Variants in PDE6G observed in about 807,000 individuals in gnomAD.
The protein encoded by PDE6G is rod cGMP 3',5'-cyclic phosphodiesterase subunit gamma.
Under a neutral mutation model 10.9 loss-of-function variants are expected in PDE6G, and 10 were observed. That is an observed-to-expected ratio of 0.91 (90% CI 0.56 to 1.55). The LOEUF is 1.55. Ranked by LOEUF, PDE6G falls within the 40% of genes most tolerant of loss-of-function variation. The pLI is 0.00. For missense variants in PDE6G, 102 were observed against 110.1 expected, an observed-to-expected ratio of 0.93 and a Z score of 0.33; for synonymous variants, 41 against 42.8, an observed-to-expected ratio of 0.96 and a Z score of 0.16.
upstream of PDE6G, among the ~76,000 whole-genome samples, chr17:81,660,387 G>T (rs1405530614): frequency 6.6e-6 from 1 of 152,190 alleles, no homozygotes; most frequent in Admixed American, 6.6e-5. Context: ...TCTCTAGCCT[G>T]GGCGACAGAG....
chr17:81,651,392 G>T lies in PDE6G; in HGVS notation c.188-242C>A, dbSNP rs1364876427. On this transcript the variant is annotated intron_variant, in intron 3 of 3. Transcript: ENST00000331056. The surrounding 1 kb of genome is among the most constrained non-coding windows in gnomAD (Gnocchi z 4.8). ...GGGCTTGCTGAAGGGGGAGGAGGCAGCGAGGGGTTCTGTTCTTTCCCAAAC... is the reference window on the plus strand; with the variant it reads ...GGGCTTGCTGAAGGGGGAGGAGGCATCGAGGGGTTCTGTTCTTTCCCAAAC... Among the ~76,000 whole-genome samples, 1 of 152,068 alleles carries T rather than the reference G, an allele frequency of 6.6e-6. No individual in the cohort carries two copies. The highest frequency in any genetic ancestry group is 2.4e-5 in the African/African-American group (1 of 41,400).
upstream of PDE6G, among the ~76,000 whole-genome samples, chr17:81,660,142 G>A (rs1041319724): frequency 1.3e-5 from 2 of 152,038 alleles, no homozygotes; most frequent in African/African-American, 4.8e-5. Context: ...GCTGGGCACG[G>A]TGGCTCACAC....
At chr17:81,658,271 A>G (rs1361685406), upstream of PDE6G, among the ~76,000 whole-genome samples, 1 of 151,654 alleles carries the variant, frequency 6.6e-6, no homozygotes, top group African/African-American at 2.4e-5. Context: ...TTTTTAGTAG[A>G]GACAGGGTTT....
At chr17:81,659,531 G>A (rs1301720715), upstream of PDE6G, among the ~76,000 whole-genome samples, 3 of 151,768 alleles carry the variant, frequency 2.0e-5, no homozygotes, top group Non-Finnish European at 2.9e-5. Context: ...CCCGGGAGGC[G>A]GAGGTTGCAG....
chr17:81,656,817 G>C (rs2036453245), upstream of PDE6G: 1 of 594,170 alleles, frequency 1.7e-6, no homozygotes, highest in South Asian at 1.9e-5. Flanking sequence ...GCTGTCTTGG[G>C]CCTCCCTACT....
At position 81,651,129 on chromosome 17, in the gene PDE6G, C is replaced by G. The variant is rs767420440; in HGVS notation, c.209G>C (p.Trp70Ser). 2 of 1,613,786 alleles carry G rather than the reference C, an allele frequency of 1.2e-6. No individual in the cohort carries two copies. The highest frequency in any genetic ancestry group is 1.7e-6 in the Non-Finnish European group (2 of 1,179,694). ...CAGCTCCAGGTGGTTGAAGGCCTCC[C>G]AAGGGCAGATGACTGTGATGTCTGT... ...LGTDITVICP[W>S]EAFNHLELHE... The change falls in exon 4 of 4, where the codon TGG (tryptophan) becomes TCG (serine). Residue 70 changes from tryptophan (W) to serine (S), a missense_variant. Transcript: ENST00000331056. The surrounding 1 kb of genome is among the most constrained non-coding windows in gnomAD (Gnocchi z 4.8).
chr17:81,659,491 A>G (rs1324554068), upstream of PDE6G, among the ~76,000 whole-genome samples: 2 of 149,110 alleles, frequency 1.3e-5, no homozygotes, highest in Admixed American at 1.3e-4. Flanking sequence ...CCCAGCTGCC[A>G]GGGAGGCTGC....
chr17:81,654,265 C>T (rs1178362549), intron 1 of PDE6G, among the ~76,000 whole-genome samples: 4 of 152,198 alleles, frequency 2.6e-5, no homozygotes, highest in African/African-American at 9.6e-5. Flanking sequence ...CTCCCCTGAA[C>T]CCCCGCCCTG....
chr17:81,658,432 A>G (rs1598723372), upstream of PDE6G, among the ~76,000 whole-genome samples: 1 of 151,932 alleles, frequency 6.6e-6, no homozygotes, highest in African/African-American at 2.4e-5. Flanking sequence ...CTGAGGCAGG[A>G]GGATCCCTTG....
upstream of PDE6G, chr17:81,656,685 C>T: frequency 1.4e-6 from 1 of 699,802 alleles, no homozygotes; most frequent in Non-Finnish European, 2.6e-6. Context: ...GGCTCAGGTG[C>T]TGTCAAGGGC....
intron 1 of PDE6G, among the ~76,000 whole-genome samples, chr17:81,655,036 C>G (rs12946993): frequency 0.053 from 8,019 of 152,146 alleles, 299 homozygotes; most frequent in East Asian, 0.22. Flanking sequence ...GGATTACAGG[C>G]GTGAGCCACT....
intron 2 of PDE6G, among the ~76,000 whole-genome samples, chr17:81,652,176 C>T (rs1426495633): frequency 6.6e-6 from 1 of 151,506 alleles, no homozygotes; most frequent in Non-Finnish European, 1.5e-5. Flanking sequence ...AGTGGACACT[C>T]CTCGGTGCAC....
At chr17:81,659,828 T>A (rs2036493664), upstream of PDE6G, among the ~76,000 whole-genome samples, 1 of 152,128 alleles carries the variant, frequency 6.6e-6, no homozygotes, top group South Asian at 2.1e-4. Context: ...GGCTCACGTC[T>A]GTAATCCCAG....
upstream of PDE6G, chr17:81,656,681 G>A: frequency 1.4e-6 from 1 of 701,628 alleles, no homozygotes; most frequent in Non-Finnish European, 2.6e-6. Flanking sequence ...GAGGGGCTCA[G>A]GTGCTGTCAA....
At chr17:81,652,951 T>C (rs1300779640) in intron 2 of PDE6G, among the ~76,000 whole-genome samples, 1 of 151,944 alleles carries the variant, frequency 6.6e-6, no homozygotes, top group African/African-American at 2.4e-5. Context: ...GGCAGTAGCA[T>C]CTGGAGCGGG....
At chr17:81,662,500 G>A (rs1245391424) in intron 1 of PDE6G, among the ~76,000 whole-genome samples, 1 of 152,174 alleles carries the variant, frequency 6.6e-6, no homozygotes, top group East Asian at 1.9e-4. Flanking sequence ...GGGCACGCCT[G>A]TAGTCCCAGC....
At chr17:81,659,371 G>T (rs2036488557), upstream of PDE6G, among the ~76,000 whole-genome samples, 1 of 151,962 alleles carries the variant, frequency 6.6e-6, no homozygotes, top group Non-Finnish European at 1.5e-5. Flanking sequence ...GGACGAGGTG[G>T]CTGGACCACC....
At chr17:81,652,452 AT>A (rs1339381820) in intron 2 of PDE6G, among the ~76,000 whole-genome samples, 1 of 143,578 alleles carries the variant, frequency 7.0e-6, no homozygotes, top group Non-Finnish European at 1.5e-5. Flanking sequence ...AATTTTTTGT[AT>A]TTTTTAGTAG....
At chr17:81,656,609 C>A, upstream of PDE6G, 1 of 733,502 alleles carries the variant, frequency 1.4e-6, no homozygotes, top group East Asian at 2.5e-5. Flanking sequence ...CTCAGTGCCA[C>A]CCTAATGAGA....
Sources: gnomAD v4.1 joint callset for allele counts (sites outside exome capture counted in the v4.1 genomes callset) on GRCh38, gnomAD v4.1.1 for gene constraint, Gnocchi (gnomAD v3.1) non-coding constraint, MANE v1.5 for transcripts, NCBI Gene and HGNC (gene_info 2026-07-23, HGNC 2026-07-21) for gene names.